Variants in USP7 observed in about 807,000 individuals in gnomAD.
USP7 encodes ubiquitin specific peptidase 7.
In USP7, 9 loss-of-function variants were observed where a neutral mutation model predicts 162.9. The ratio of observed to expected loss-of-function variants is 0.06; its 90% CI spans 0.03 to 0.10. The LOEUF (loss-of-function observed/expected upper bound fraction) is 0.10. Among genes scored for constraint, USP7 ranks in the 10% least tolerant of loss-of-function variants. The probability of loss-of-function intolerance (pLI) is 1.00; values close to 1 mark genes in which losing one functional copy is unlikely to be tolerated. For missense variants in USP7, 715 were observed against 1,373.7 expected (o/e 0.52, Z 7.58); for synonymous variants, 562 against 475.9 (o/e 1.18, Z -2.35).
At chr16:8,916,613 T>A in intron 7 of USP7, 57 bp from the exon 8 acceptor site, 7 of 1,520,010 alleles carry the variant, frequency 4.6e-6, no homozygotes, top group Non-Finnish European at 6.3e-6. Context: ...ATGAGCAAAT[T>A]AAAAGTAACT....
At chr16:8,939,614 T>C (rs1048876154) in intron 1 of USP7, among the ~76,000 whole-genome samples, 1 of 152,258 alleles carries the variant, frequency 6.6e-6, no homozygotes, top group Non-Finnish European at 1.5e-5. Flanking sequence ...TGGCCTTCCC[T>C]GAGTGCTAAC....
intron 1 of USP7, chr16:8,935,721 T>A (rs1898671432): frequency 6.6e-6 from 1 of 152,144 alleles, no homozygotes; most frequent in Non-Finnish European, 1.5e-5. Context: ...TTTAACGCAA[T>A]ATGTATATGA....
At chr16:8,896,094 C>T (rs1469664948) in intron 26 of USP7, among the ~76,000 whole-genome samples, 1 of 151,466 alleles carries the variant, frequency 6.6e-6, no homozygotes, top group Non-Finnish European at 1.5e-5. Context: ...CCGCCTCGGC[C>T]TCCCGAAGTG....
At position 8,920,380 on chromosome 16, in the gene USP7, G is replaced by A; in HGVS notation, c.590C>T (p.Ala197Val). 6.2e-7 allele frequency: 1 copy of A among 1,612,772 alleles called. No individual in the cohort carries two copies. Among genetic ancestry groups the A allele is most frequent in the Non-Finnish European group, 8.5e-7 (1 of 1,179,690 alleles). ...TTACGCAACTCCATGGGGAGCATCC[G>A]CCTGTACAAAGACTTCAAAGGTAAC... is the stretch of plus-strand genomic sequence containing the variant. ...DKVTFEVFVQ[A>V]DAPHGVAWDS... Residue 197 changes from alanine (A) to valine (V), a missense_variant, in exon 5 of 31, where the codon GCG becomes GTG. Physicochemically the swap from Ala to Val is moderately conservative, Grantham distance 64. Coordinates refer to ENST00000344836, the MANE Select transcript of USP7 (RefSeq NM_003470.3).
intron 26 of USP7, 76 bp downstream of exon 26, chr16:8,896,923 C>A: frequency 8.8e-7 from 1 of 1,134,006 alleles, no homozygotes; most frequent in South Asian, 1.3e-5. Flanking sequence ...GTGATTTCCA[C>A]CAACGCAACT....
chr16:8,897,024 C>T lies in USP7; in HGVS notation c.2794G>A (p.Gly932Arg). Residue 932 changes from glycine to arginine, a missense_variant, in exon 26 of 31, where the codon GGG becomes AGG. This residue lies in a region of USP7 where 222 missense variants were observed against 441.7 expected (regional missense o/e 0.50). Transcript: ENST00000344836. Reference sequence around the variant, plus strand: ...CTAAGTTTCCCTGATGCTTTCTCCCCAAGCTCCACGGCCTTTTTACATTCT... The same window carrying T: ...CTAAGTTTCCCTGATGCTTTCTCCCTAAGCTCCACGGCCTTTTTACATTCT... The part of the protein sequence containing the change: ...LEECKKAVEL[G>R]EKASGKLRLL... The T allele has an allele frequency of 6.2e-7, 1 of 1,614,160 alleles. No individual in the cohort carries two copies. The highest frequency in any genetic ancestry group is 8.5e-7 in the Non-Finnish European group (1 of 1,179,976).
chr16:8,930,303 GTCC>G lies in USP7; in HGVS notation c.171_173del (p.Glu57del), dbSNP rs758414236. On this transcript the variant is annotated inframe_deletion, in exon 2 of 31. Transcript: ENST00000344836. ...ACCACAGGCACTTACCATCCTCCAT[GTCC>G]TCCTCCGCGGTGTTGTGTCCATCAC... 1.9e-6 allele frequency: 3 copies of G among 1,612,062 alleles called. No homozygotes were observed. Among genetic ancestry groups the G allele is most frequent in the South Asian group, 1.1e-5 (1 of 90,814 alleles).
intron 4 of USP7, among the ~76,000 whole-genome samples, chr16:8,920,857 A>G (rs1567225167): frequency 6.6e-6 from 1 of 152,342 alleles, no homozygotes; most frequent in East Asian, 1.9e-4. Context: ...GTCACATGGA[A>G]CCACTCAGTA....
rs984741786 is a variant in USP7 at position 8,917,034 on chromosome 16, C to T, written c.843G>A (p.Lys281=). 1 of 1,596,932 alleles carries T rather than the reference C, an allele frequency of 6.3e-7. No homozygotes were observed. Among genetic ancestry groups the T allele is most frequent in the African/African-American group, 1.4e-5 (1 of 73,736 alleles). The change falls in exon 7 of 31, where the codon AAG becomes AAA. Residue 281 remains lysine, a synonymous_variant. Coordinates refer to ENST00000344836, the MANE Select transcript of USP7 (RefSeq NM_003470.3). ...AGATGTCTAATACATACCCAAATGA[C>T]TTTGTTAACTTTTTTGTTCCTACAG... ...DKPVGTKKLT[K]SFGWETLDSF... is the part of the protein sequence containing the mutation.
At position 8,923,343 on chromosome 16, in the gene USP7, G is replaced by A; in HGVS notation, c.255C>T (p.Val85=). The change falls in exon 3 of 31, where the codon GTC becomes GTT. Residue 85 remains valine (V), a synonymous_variant. Transcript: ENST00000344836. ...TTCGCACAAAACACGGAGGGCTAAG[G>A]ACCGACTCACTCAGTCTGCTGAAGC... The part of the protein sequence containing the change: ...VERFSRLSES[V]LSPPCFVRNL... The A allele has an allele frequency of 6.2e-7, 1 of 1,614,162 alleles. No homozygotes were observed. The highest frequency in any genetic ancestry group is 1.7e-5 in the Admixed American group (1 of 60,018).
chr16:8,960,663 A>C lies in USP7; in HGVS notation c.79+2544T>G, dbSNP rs74663583. On this transcript the variant is annotated intron_variant, in intron 1 of 30. Transcript: ENST00000344836. ...GACACTGAACAGGTGCCAAGTCTCT[A>C]GCTCTGACCAGGACCCCACTCACAG... Among the ~76,000 whole-genome samples, 83 of 152,332 alleles carry C rather than the reference A, an allele frequency of 5.4e-4. No individual in the cohort carries two copies. In the East Asian group the frequency reaches 8.9e-3, roughly 16 times the overall value.
intron 25 of USP7, 105 bp downstream of exon 25, chr16:8,898,255 T>G: frequency 1.0e-6 from 1 of 975,646 alleles, no homozygotes; most frequent in Non-Finnish European, 1.5e-6. Flanking sequence ...TGCTGTTGTT[T>G]AGAGTGTTTT....
At chr16:8,910,856 T>G in intron 10 of USP7, 29 bp from the exon 11 acceptor site, 2 of 1,571,852 alleles carry the variant, frequency 1.3e-6, no homozygotes, top group Non-Finnish European at 8.7e-7. Flanking sequence ...AAAAGTCAAG[T>G]GCTAAAGCTT....
At chr16:8,931,976 T>C (rs1898374480) in intron 1 of USP7, among the ~76,000 whole-genome samples, 1 of 152,202 alleles carries the variant, frequency 6.6e-6, no homozygotes, top group African/African-American at 2.4e-5. Context: ...TAGTTGTGTG[T>C]GTGGCCTTCA....
chr16:8,961,862 G>A (rs1039974735), intron 1 of USP7, among the ~76,000 whole-genome samples: 1 of 152,138 alleles, frequency 6.6e-6, no homozygotes, highest in Admixed American at 6.5e-5. Context: ...CTTTGCTGGG[G>A]CCAAGTGAAA....
intron 1 of USP7, chr16:8,936,536 T>G: frequency 6.7e-7 from 1 of 1,493,130 alleles, no homozygotes; most frequent in Non-Finnish European, 8.9e-7. Context: ...ATTGGTTATC[T>G]CCATCCATCA....
At chr16:8,922,734 A>G (rs1222962185) in intron 3 of USP7, among the ~76,000 whole-genome samples, 1 of 152,248 alleles carries the variant, frequency 6.6e-6, no homozygotes, top group African/African-American at 2.4e-5. Flanking sequence ...AGGACCATCA[A>G]GATTTCTCAG....
At chr16:8,911,767 T>C (rs2141192778) in intron 10 of USP7, among the ~76,000 whole-genome samples, 1 of 152,330 alleles carries the variant, frequency 6.6e-6, no homozygotes. Flanking sequence ...GATCTGGGGA[T>C]GTGCAGTTTC....
rs1897386778 is a variant in USP7 at position 8,916,674 on chromosome 16, T to C, written c.852-118A>G. The C allele has an allele frequency of 7.7e-6, 8 of 1,043,612 alleles. No homozygotes were observed. In the South Asian group the frequency reaches 9.9e-5, roughly 13 times the overall value. 64.6% of individuals were successfully genotyped at this position (1,043,612 alleles called of 1,614,324 possible). On this transcript the variant is annotated intron_variant, in intron 7 of 30. Transcript: ENST00000344836. The stretch of plus-strand genomic sequence containing the variant: ...TCAGCTATTATTCTCAAATTCCTTT[T>C]CTGTGAAGATTATTTTTGGGAGTCA...
Sources: gnomAD v4.1 joint callset for allele counts (sites outside exome capture counted in the v4.1 genomes callset) on GRCh38, gnomAD v4.1.1 for gene constraint, gnomAD v4.1.1 regional missense constraint, MANE v1.5 for transcripts, NCBI Gene and HGNC (gene_info 2026-07-23, HGNC 2026-07-21) for gene names.